Variants in MYO3A observed in about 807,000 individuals in gnomAD.
MYO3A encodes the protein myosin-IIIa.
A neutral mutation model predicts 192.7 loss-of-function variants in MYO3A; 180 were observed. That is an observed-to-expected ratio of 0.93 (90% CI 0.83 to 1.06). The LOEUF (loss-of-function observed/expected upper bound fraction) is 1.06. MYO3A is among the 50% of genes least tolerant of loss of function. MYO3A has a pLI of 0.00. For missense variants in MYO3A, 1,896 were observed against 1,905.0 expected, an observed-to-expected ratio of 1.00 and a Z score of 0.09; for synonymous variants, 628 against 645.3, an observed-to-expected ratio of 0.97 and a Z score of 0.41.
intron 4 of MYO3A, among the ~76,000 whole-genome samples, chr10:25,984,803 A>G (rs1265195976): frequency 6.6e-6 from 1 of 152,240 alleles, no homozygotes; most frequent in South Asian, 2.1e-4. Flanking sequence ...CTAAATGATC[A>G]TTGGTCAACA....
chr10:26,168,271 C>A (rs1014179944), intron 27 of MYO3A, among the ~76,000 whole-genome samples: 4 of 152,198 alleles, frequency 2.6e-5, no homozygotes, highest in Admixed American at 6.5e-5. Context: ...CATTAATAAA[C>A]ATTAGATGAA....
intron 26 of MYO3A, among the ~76,000 whole-genome samples, chr10:26,161,075 A>G (rs1025003490): frequency 3.9e-5 from 6 of 152,262 alleles, no homozygotes; most frequent in African/African-American, 1.4e-4. Context: ...AACTAAGTGT[A>G]TAGAGAACAC....
At chr10:25,938,808 G>T (rs1836286224) in intron 2 of MYO3A, among the ~76,000 whole-genome samples, 1 of 152,132 alleles carries the variant, frequency 6.6e-6, no homozygotes, top group Non-Finnish European at 1.5e-5. Context: ...CTTTCTGCAT[G>T]TATTTTGGAA....
chr10:26,208,873 C>A (rs1844096200), intron 34 of MYO3A, among the ~76,000 whole-genome samples: 1 of 151,838 alleles, frequency 6.6e-6, no homozygotes, highest in African/African-American at 2.4e-5. Flanking sequence ...ATGGCCTTGC[C>A]CTCTCTCCTT....
intron 14 of MYO3A, among the ~76,000 whole-genome samples, chr10:26,081,510 G>A (rs1835957051): frequency 6.6e-6 from 1 of 152,168 alleles, no homozygotes; most frequent in Non-Finnish European, 1.5e-5. Flanking sequence ...CAAAAGAAAA[G>A]TGCTTGGCTC....
chr10:26,203,771 A>T (rs1444748218), intron 34 of MYO3A, among the ~76,000 whole-genome samples: 1 of 152,228 alleles, frequency 6.6e-6, no homozygotes, highest in East Asian at 1.9e-4. Flanking sequence ...CCAAAATTCT[A>T]AACGAATATC....
Position 26,170,528 on chromosome 10 carries a change from T to C in MYO3A, c.3387T>C (p.Phe1129=), listed in dbSNP as rs142913010. 1 of 1,611,432 alleles carries C rather than the reference T, an allele frequency of 6.2e-7. No homozygotes were observed. Among genetic ancestry groups the C allele is most frequent in the Non-Finnish European group, 8.5e-7 (1 of 1,178,736 alleles). Residue 1129 remains phenylalanine (F), a synonymous_variant, in exon 29 of 35, where the codon TTT becomes TTC. Coordinates refer to ENST00000642920, the MANE Select transcript of MYO3A (RefSeq NM_017433.5). ...AGGAATTCGACTACAAGAAAAACTT[T>C]GAAAATACAAGGTATAATGATGTTC... ...SDQEFDYKKN[F]ENTRESFVKK...
intron 32 of MYO3A, among the ~76,000 whole-genome samples, chr10:26,198,196 CG>C (rs1412501532): frequency 1.7e-4 from 26 of 152,128 alleles, no homozygotes; most frequent in African/African-American, 5.5e-4. Flanking sequence ...GCGATTCTAG[CG>C]GCCTTAAAAT....
At position 26,144,953 on chromosome 10, in the gene MYO3A, A is replaced by C. The variant is rs151183788; in HGVS notation, c.2417-493A>C. ...CACTTTGGGAGGCCGACACAGGTGGATCACCTGAGGTCAGGAGTTCGAGAC... is the reference window on the plus strand; with the variant it reads ...CACTTTGGGAGGCCGACACAGGTGGCTCACCTGAGGTCAGGAGTTCGAGAC... On this transcript the variant is annotated intron_variant, in intron 21 of 34. Coordinates refer to ENST00000642920, the MANE Select transcript of MYO3A (RefSeq NM_017433.5). Among the ~76,000 whole-genome samples the C allele has an allele frequency of 4.7e-3, 714 of 152,292 alleles. 8 individuals are homozygous for C. The highest frequency in any genetic ancestry group is 0.016 in the African/African-American group (657 of 41,558).
chr10:25,951,179 A>G (rs1837188552), intron 2 of MYO3A, among the ~76,000 whole-genome samples: 1 of 152,186 alleles, frequency 6.6e-6, no homozygotes. Context: ...CAATAACGGT[A>G]CCAGTGGTGA....
intron 20 of MYO3A, among the ~76,000 whole-genome samples, chr10:26,129,968 G>C (rs1236743939): frequency 1.3e-5 from 2 of 152,216 alleles, no homozygotes; most frequent in Non-Finnish European, 1.5e-5. Context: ...CATTGCTCAT[G>C]TGATGAATTA....
intron 5 of MYO3A, 91 bp from the exon 6 acceptor site, chr10:25,997,068 T>A (rs562378199): frequency 1.1e-6 from 1 of 931,206 alleles, no homozygotes; most frequent in Non-Finnish European, 1.7e-6. Context: ...TTATTATGTG[T>A]TTCCTATTGA....
At chr10:26,010,040 T>C (rs1288406849) in intron 6 of MYO3A, among the ~76,000 whole-genome samples, 1 of 152,218 alleles carries the variant, frequency 6.6e-6, no homozygotes, top group African/African-American at 2.4e-5. Context: ...CATCCAGGAT[T>C]GAATGATGCA....
intron 17 of MYO3A, among the ~76,000 whole-genome samples, chr10:26,100,833 G>T (rs1227677969): frequency 6.6e-6 from 1 of 152,106 alleles, no homozygotes; most frequent in Non-Finnish European, 1.5e-5. Context: ...GTCAATTTTG[G>T]AATAAGTGTG....
chr10:26,084,232 T>C (rs1332941835), intron 14 of MYO3A, among the ~76,000 whole-genome samples: 2 of 152,236 alleles, frequency 1.3e-5, no homozygotes, highest in Non-Finnish European at 2.9e-5. Flanking sequence ...TGTTAATATG[T>C]TGAATCATAT....
chr10:26,198,523 A>G (rs1015753957), intron 32 of MYO3A, among the ~76,000 whole-genome samples: 1 of 152,180 alleles, frequency 6.6e-6, no homozygotes, highest in Admixed American at 6.5e-5. Flanking sequence ...GGCCACTCCA[A>G]AGTCTTTTTC....
chr10:26,083,228 T>C (rs1836084822), intron 14 of MYO3A, among the ~76,000 whole-genome samples: 1 of 152,194 alleles, frequency 6.6e-6, no homozygotes, highest in African/African-American at 2.4e-5. Context: ...AGAGGGCTAC[T>C]AAGTTGGGTA....
chr10:26,002,057 CTT>C (rs556148086), intron 6 of MYO3A, among the ~76,000 whole-genome samples: 12 of 152,212 alleles, frequency 7.9e-5, no homozygotes, highest in African/African-American at 2.9e-4. Context: ...TCTAAAAGGA[CTT>C]ATGGATTTAT....
intron 20 of MYO3A, among the ~76,000 whole-genome samples, chr10:26,129,062 GA>G (rs1839388712): frequency 6.6e-6 from 1 of 152,086 alleles, no homozygotes; most frequent in African/African-American, 2.4e-5. Context: ...AGAAAAATCA[GA>G]CTTAAATCAC....
Sources: allele counts gnomAD v4.1 joint callset (sites outside exome capture counted in the v4.1 genomes callset), GRCh38; gene constraint gnomAD v4.1.1; transcripts MANE v1.5; gene names NCBI Gene and HGNC (gene_info 2026-07-23, HGNC 2026-07-21).